Variants in MSR1 observed in about 807,000 individuals in gnomAD.
MSR1 encodes the protein macrophage scavenger receptor 1, also known as macrophage scavenger receptor types I and II.
MSR1 carries 53 observed loss-of-function variants against 47.2 expected under a neutral mutation model. The observed-to-expected ratio is 1.12, with a 90% CI of 0.90 to 1.41. The LOEUF is 1.41. MSR1 is among the 40% of genes most tolerant of loss of function. The pLI is 0.00. For missense variants in MSR1, 786 were observed against 546.9 expected (o/e 1.44, Z -4.36); for synonymous variants, 239 against 185.6 (o/e 1.29, Z -2.34).
intron 7 of MSR1, among the ~76,000 whole-genome samples, chr8:16,149,158 G>A (rs568348857): frequency 8.2e-4 from 124 of 152,100 alleles, no homozygotes; most frequent in African/African-American, 2.9e-3. Context: ...CAGAAAGAGT[G>A]GCCACTAATG....
At chr8:16,132,019 G>A (rs1270298883) in intron 8 of MSR1, among the ~76,000 whole-genome samples, 4 of 149,866 alleles carry the variant, frequency 2.7e-5, no homozygotes, top group Non-Finnish European at 5.9e-5. Flanking sequence ...TTCTAATTAC[G>A]TGAAGAATGT....
At chr8:16,141,549 C>T (rs1302642936) in intron 8 of MSR1, among the ~76,000 whole-genome samples, 1 of 152,088 alleles carries the variant, frequency 6.6e-6, no homozygotes, top group East Asian at 1.9e-4. Context: ...GAATATACCA[C>T]ATTAGATGTT....
chr8:16,188,047 C>G (rs905882091), intron 1 of MSR1, among the ~76,000 whole-genome samples: 3 of 152,122 alleles, frequency 2.0e-5, no homozygotes, highest in African/African-American at 4.8e-5. Context: ...AGTAGCTTCA[C>G]ATAAAGTTAC....
chr8:16,168,783 T>A lies in MSR1; in HGVS notation c.305A>T (p.Asn102Ile). Residue 102 changes from asparagine (N) to isoleucine (I), a missense_variant, in exon 4 of 10, where the codon AAT becomes ATT. Transcript: ENST00000262101. ...AAATCTCATTTCCTCTTCGCTGTCATTTCCTTTTCCCGTGAGACTTTGAGT... is the reference window on the plus strand; with the variant it reads ...AAATCTCATTTCCTCTTCGCTGTCAATTCCTTTTCCCGTGAGACTTTGAGT... ...DITQSLTGKG[N>I]DSEEEMRFQE... 1 of 1,614,144 alleles carries A rather than the reference T, an allele frequency of 6.2e-7. No individual in the cohort carries two copies. Among genetic ancestry groups the A allele is most frequent in the Non-Finnish European group, 8.5e-7 (1 of 1,180,024 alleles).
chr8:16,118,495 TG>T, intron 9 of MSR1, among the ~76,000 whole-genome samples: 1 of 152,232 alleles, frequency 6.6e-6, no homozygotes, highest in Admixed American at 6.5e-5. Context: ...CCCAGCACTT[TG>T]GGAAGCCAAA....
intron 9 of MSR1, among the ~76,000 whole-genome samples, chr8:16,112,729 A>AT (rs911318709): frequency 4.0e-5 from 6 of 151,380 alleles, no homozygotes; most frequent in Admixed American, 2.0e-4. Flanking sequence ...CACTGTTATT[A>AT]TTTTTTTTGT....
chr8:16,182,635 G>T (rs1801867765), intron 1 of MSR1, among the ~76,000 whole-genome samples: 2 of 150,764 alleles, frequency 1.3e-5, no homozygotes, highest in East Asian at 3.9e-4. Context: ...CATTAGCCTA[G>T]GCCTACACAG....
At chr8:16,146,170 C>G (rs936971921) in intron 7 of MSR1, among the ~76,000 whole-genome samples, 2 of 152,018 alleles carry the variant, frequency 1.3e-5, no homozygotes, top group African/African-American at 4.8e-5. Context: ...TTCCATCCCC[C>G]GTTTCTTTCA....
intron 5 of MSR1, among the ~76,000 whole-genome samples, chr8:16,156,882 C>T (rs1271431210): frequency 6.6e-6 from 1 of 151,860 alleles, no homozygotes. Flanking sequence ...CTATTCCCTG[C>T]AGAAGAATGT....
chr8:16,130,344 T>C (rs1180634276), intron 8 of MSR1, among the ~76,000 whole-genome samples: 1 of 152,196 alleles, frequency 6.6e-6, no homozygotes, highest in African/African-American at 2.4e-5. Flanking sequence ...CTTTGTGTCT[T>C]TGTGTCACAT....
At chr8:16,154,131 A>T (rs1426347838) in intron 6 of MSR1, among the ~76,000 whole-genome samples, 3 of 151,810 alleles carry the variant, frequency 2.0e-5, no homozygotes, top group African/African-American at 7.3e-5. Flanking sequence ...CATTTTCAAA[A>T]ATTTTTCTGA....
At chr8:16,116,705 A>C (rs1244573357) in intron 9 of MSR1, among the ~76,000 whole-genome samples, 3 of 152,040 alleles carry the variant, frequency 2.0e-5, no homozygotes, top group Admixed American at 2.0e-4. Flanking sequence ...GGAATGAATA[A>C]AAGTTTTGAG....
intron 8 of MSR1, among the ~76,000 whole-genome samples, chr8:16,133,988 T>G (rs1461040671): frequency 6.6e-6 from 1 of 152,150 alleles, no homozygotes; most frequent in Non-Finnish European, 1.5e-5. Context: ...ACAAACAAGA[T>G]GTATTTTTTT....
intron 3 of MSR1, among the ~76,000 whole-genome samples, chr8:16,171,215 C>G (rs1225941578): frequency 4.1e-5 from 4 of 98,230 alleles, no homozygotes; most frequent in Non-Finnish European, 7.4e-5. Flanking sequence ...GCTGACAGAG[C>G]AAGACTCAGT....
intron 8 of MSR1, chr8:16,141,181 A>G: frequency 1.1e-6 from 1 of 915,502 alleles, no homozygotes. Context: ...GTGGGGAATC[A>G]GGCACTTTCA....
intron 8 of MSR1, 179 bp from the exon 9 acceptor site, chr8:16,120,785 A>G (rs1013896448): frequency 2.5e-6 from 2 of 786,790 alleles, no homozygotes; most frequent in Non-Finnish European, 3.9e-6. Context: ...TAAAGAGTTT[A>G]ACTGCAAATA....
intron 7 of MSR1, among the ~76,000 whole-genome samples, chr8:16,144,336 G>A (rs1198462025): frequency 1.3e-5 from 2 of 151,990 alleles, no homozygotes; most frequent in Admixed American, 6.6e-5. Context: ...GATTGGTGCT[G>A]TTCCTGCTTA....
intron 9 of MSR1, among the ~76,000 whole-genome samples, chr8:16,119,995 C>T (rs536497238): frequency 5.3e-5 from 8 of 151,546 alleles, no homozygotes; most frequent in African/African-American, 1.9e-4. Flanking sequence ...GGACTACAAG[C>T]GTGAGCCACT....
chr8:16,172,500 C>G (rs1801514568), intron 3 of MSR1, among the ~76,000 whole-genome samples: 2 of 152,016 alleles, frequency 1.3e-5, no homozygotes, highest in Admixed American at 6.6e-5. Context: ...CATTTTGTGA[C>G]TTTTCTGTTT....
Sources: gnomAD v4.1 joint callset for allele counts (sites outside exome capture counted in the v4.1 genomes callset) on GRCh38, gnomAD v4.1.1 for gene constraint, MANE v1.5 for transcripts, NCBI Gene and HGNC (gene_info 2026-07-23, HGNC 2026-07-21) for gene names.